The following BIN3 variants were observed in gnomAD, a reference collection of about 807,000 sequenced individuals.
BIN3 encodes bridging integrator 3.
Under a neutral mutation model 38.2 loss-of-function variants are expected in BIN3, and 41 were observed. The observed-to-expected ratio is 1.07, with a 90% CI of 0.84 to 1.39. BIN3 has a LOEUF of 1.39. Among genes scored for constraint, BIN3 ranks in the 40% most tolerant of loss-of-function variants. The pLI, the probability that BIN3 is intolerant of heterozygous loss-of-function variation, is 0.00. For missense variants in BIN3, 361 were observed against 324.3 expected (o/e 1.11, Z -0.87); for synonymous variants, 145 against 122.6 (o/e 1.18, Z -1.21).
Position 22,624,311 on chromosome 8 carries a change from C to T in BIN3, c.391G>A (p.Ala131Thr), listed in dbSNP as rs377437801. Residue 131 changes from alanine (A) to threonine (T), a missense_variant, in exon 7 of 9, where the codon GCC becomes ACC. Transcript: ENST00000276416. The part of the protein sequence containing the change: ...LNMAVKRREQ[A>T]LQDYRRLQAK... ...TGCAGCCTCCTGTAGTCCTGCAAGG[C>T]CTGTTCCCGCCTCTTCACAGCCATG... 6.2e-7 allele frequency: 1 copy of T among 1,613,838 alleles called. No individual in the cohort carries two copies. The highest frequency in any genetic ancestry group is 1.1e-5 in the South Asian group (1 of 91,086).
At chr8:22,652,828 T>G (rs996976839) in intron 1 of BIN3, among the ~76,000 whole-genome samples, 3 of 152,236 alleles carry the variant, frequency 2.0e-5, no homozygotes, top group African/African-American at 7.2e-5. Flanking sequence ...CCTCTATCTT[T>G]GTCTCCCTAC....
At chr8:22,643,751 G>T (rs928741593) in intron 2 of BIN3, among the ~76,000 whole-genome samples, 1 of 152,262 alleles carries the variant, frequency 6.6e-6, no homozygotes, top group Admixed American at 6.5e-5. Flanking sequence ...CTCTGCCAAG[G>T]AGGGGAGAAG....
chr8:22,625,472 G>A (rs577904934), intron 6 of BIN3: 16 of 700,288 alleles, frequency 2.3e-5, no homozygotes, highest in African/African-American at 1.2e-4. Flanking sequence ...AGCAGTTACT[G>A]AGACTGGGAT....
rs56065322 is a variant in BIN3 at position 22,648,894 on chromosome 8, C to CGTATGTATGTAT, written c.9-4103_9-4092dup. On this transcript the variant is annotated intron_variant, in intron 1 of 8. Coordinates refer to ENST00000276416, the MANE Select transcript of BIN3 (RefSeq NM_018688.6). ...TGTCCCTTTGACATATCCACATCAA[C>CGTATGTATGTAT]GTATGTATGTATGTATGTATGTATG... 8.4e-3 allele frequency among the ~76,000 whole-genome samples: 1,236 copies of CGTATGTATGTAT among 147,986 alleles called. 9 individuals carry two copies. Among genetic ancestry groups the CGTATGTATGTAT allele is most frequent in the African/African-American group, 0.021 (825 of 39,814 alleles).
chr8:22,662,689 C>CA (rs1247115804), intron 1 of BIN3, among the ~76,000 whole-genome samples: 15 of 152,182 alleles, frequency 9.9e-5, no homozygotes, highest in Admixed American at 2.0e-4. Context: ...GAGGTCTTTG[C>CA]AGAACATCTA....
Position 22,644,814 on chromosome 8 carries a change from AAG to A in BIN3, c.9-13_9-12del. On this transcript the variant is annotated splice_polypyrimidine_tract_variant and intron_variant, in intron 1 of 8. Transcript: ENST00000276416. ...ATCTTAAAAGGAATCCTATAAGAGA[AAG>A]AGACAAAGAGAGATATTGTGAGAAG... The A allele has an allele frequency of 1.2e-6, 2 of 1,605,764 alleles. No individual in the cohort carries two copies. The highest frequency in any genetic ancestry group is 1.7e-6 in the Non-Finnish European group (2 of 1,175,100).
chr8:22,630,036 T>C (rs760986097), intron 5 of BIN3, 32 bp from the exon 6 acceptor site: 3 of 1,596,102 alleles, frequency 1.9e-6, no homozygotes, highest in Non-Finnish European at 2.6e-6. Context: ...ACATTAAAAC[T>C]GGTGGGGAGG....
intron 2 of BIN3, among the ~76,000 whole-genome samples, chr8:22,641,214 C>A (rs1304984906): frequency 6.6e-6 from 1 of 152,168 alleles, no homozygotes; most frequent in Admixed American, 6.5e-5. Flanking sequence ...AACACATGTG[C>A]ACGGACCATC....
At chr8:22,621,642 C>A (rs1585173076) in intron 8 of BIN3, 74 bp from the exon 9 acceptor site, 5 of 1,450,192 alleles carry the variant, frequency 3.4e-6, no homozygotes, top group Non-Finnish European at 4.8e-6. Context: ...GAGGCTCACA[C>A]TTCTCTGCTA....
intron 2 of BIN3, among the ~76,000 whole-genome samples, chr8:22,639,187 A>T (rs1759161113): frequency 6.6e-6 from 1 of 152,096 alleles, no homozygotes; most frequent in Admixed American, 6.5e-5. Flanking sequence ...GAGACAGGTA[A>T]GATATGAACT....
intron 2 of BIN3, among the ~76,000 whole-genome samples, chr8:22,642,693 A>G (rs138231079): frequency 0.013 from 1,967 of 152,332 alleles, 84 homozygotes; most frequent in Admixed American, 0.081. Flanking sequence ...TACTGTCATC[A>G]TCCTGATTTT....
intron 2 of BIN3, among the ~76,000 whole-genome samples, chr8:22,638,900 C>T (rs1257567384): frequency 2.0e-5 from 3 of 152,318 alleles, no homozygotes; most frequent in African/African-American, 7.2e-5. Context: ...ACCTTAGGAT[C>T]CAGCAAAAGC....
At chr8:22,629,830 G>A (rs1180886577) in intron 6 of BIN3, 134 bp downstream of exon 6, 16 of 865,574 alleles carry the variant, frequency 1.8e-5, no homozygotes, top group Non-Finnish European at 2.8e-5. Flanking sequence ...CAGAGCTGAC[G>A]TCCCCACTGA....
chr8:22,648,914 T>TGTAC (rs1802794855), intron 1 of BIN3, among the ~76,000 whole-genome samples: 1 of 151,462 alleles, frequency 6.6e-6, no homozygotes, highest in African/African-American at 2.4e-5. Context: ...TATGTATGTA[T>TGTAC]GTATGTATGT....
At chr8:22,642,979 G>C (rs1303634496) in intron 2 of BIN3, among the ~76,000 whole-genome samples, 2 of 152,218 alleles carry the variant, frequency 1.3e-5, no homozygotes, top group Non-Finnish European at 2.9e-5. Flanking sequence ...CGGAGCCAGA[G>C]ATCTTGCCAC....
intron 8 of BIN3, chr8:22,622,745 G>A (rs1280533451): frequency 6.6e-6 from 1 of 152,418 alleles, no homozygotes; most frequent in Non-Finnish European, 1.5e-5. Flanking sequence ...AGGTGACAGT[G>A]AGGAAGAGGC....
At chr8:22,649,812 A>AC (rs1421691580) in intron 1 of BIN3, among the ~76,000 whole-genome samples, 15 of 89,158 alleles carry the variant, frequency 1.7e-4, no homozygotes, top group Non-Finnish European at 3.6e-4. Flanking sequence ...CGCAAAGGAC[A>AC]ACACACACAC....
rs1801921906 is a variant in BIN3 at position 22,623,921 on chromosome 8, T to C, written c.609A>G (p.Arg203=). 6.2e-7 allele frequency: 1 copy of C among 1,611,424 alleles called. No individual in the cohort carries two copies. The highest frequency in any genetic ancestry group is 1.7e-5 in the Admixed American group (1 of 59,850). Residue 203 remains arginine (R), a synonymous_variant, in exon 8 of 9, where the codon CGA becomes CGG. Transcript: ENST00000276416. ...GAGCACCTGGCGGCCTCACCTGAGCTCGGATGAGGGACTCAAAGCTGGGCT... is the reference window on the plus strand; with the variant it reads ...GAGCACCTGGCGGCCTCACCTGAGCCCGGATGAGGGACTCAAAGCTGGGCT... ...YFQPSFESLI[R]AQVVYYSEMH... is the part of the protein sequence containing the mutation.
intron 2 of BIN3, among the ~76,000 whole-genome samples, chr8:22,643,011 G>C (rs1802610810): frequency 1.3e-5 from 2 of 152,200 alleles, no homozygotes; most frequent in African/African-American, 4.8e-5. Flanking sequence ...CAAAGCAGCT[G>C]GTTTGTCTAC....
Sources: allele counts gnomAD v4.1 joint callset (sites outside exome capture counted in the v4.1 genomes callset), GRCh38; gene constraint gnomAD v4.1.1; transcripts MANE v1.5; gene names NCBI Gene and HGNC (gene_info 2026-07-23, HGNC 2026-07-21).